Variants in PPIP5K2 observed in about 807,000 individuals in gnomAD.
The protein encoded by PPIP5K2 is diphosphoinositol pentakisphosphate kinase 2.
A neutral mutation model predicts 154.6 loss-of-function variants in PPIP5K2; 105 were observed. That is an observed-to-expected ratio of 0.68 (90% CI 0.58 to 0.80). PPIP5K2 has a LOEUF of 0.80. Ranked by LOEUF, PPIP5K2 falls within the 30% of genes least tolerant of loss-of-function variation. The pLI, the probability that PPIP5K2 is intolerant of heterozygous loss-of-function variation, is 0.00. For synonymous variants in PPIP5K2, 480 were observed against 490.3 expected, an observed-to-expected ratio of 0.98 and a Z score of 0.28; for missense variants, 992 against 1,504.6, an observed-to-expected ratio of 0.66 and a Z score of 5.64.
rs566261493 is a variant in PPIP5K2 at position 103,139,060 on chromosome 5, G to A, written c.487+591G>A. Among the ~76,000 whole-genome samples the A allele has an allele frequency of 2.3e-4, 35 of 152,298 alleles. No individual in the cohort carries two copies. The South Asian group carries it at 6.0e-3, about 26-fold the overall frequency. ...GAGGGGGTTCCTGGAACCAGTCACC[G>A]CGTATGACAAGGGGCAACAGTACTT... On this transcript the variant is annotated intron_variant, in intron 5 of 30. Coordinates refer to ENST00000358359, the MANE Select transcript of PPIP5K2 (RefSeq NM_001276277.3).
At chr5:103,133,309 T>C (rs551519418) in intron 2 of PPIP5K2, 144 bp from the exon 3 acceptor site, 1 of 533,860 alleles carries the variant, frequency 1.9e-6, no homozygotes, top group East Asian at 3.5e-5. Flanking sequence ...AATGATATAA[T>C]TTTTAAAAAT....
chr5:103,168,453 A>G (rs547116410), intron 19 of PPIP5K2, among the ~76,000 whole-genome samples, 158 bp downstream of exon 19: 1 of 152,024 alleles, frequency 6.6e-6, no homozygotes, highest in South Asian at 2.1e-4. Flanking sequence ...TAAGGTTTTT[A>G]TGGTTGTATT....
At chr5:103,183,490 T>A in intron 25 of PPIP5K2, 83 bp downstream of exon 25, 2 of 1,173,998 alleles carry the variant, frequency 1.7e-6, no homozygotes, top group Non-Finnish European at 2.4e-6. Flanking sequence ...ATCTAATCCC[T>A]TGTATTTCAC....
At chr5:103,128,930 C>T (rs1554201574) in intron 1 of PPIP5K2, among the ~76,000 whole-genome samples, 1 of 152,060 alleles carries the variant, frequency 6.6e-6, no homozygotes, top group African/African-American at 2.4e-5. Flanking sequence ...TTCCATTTGT[C>T]TGTTCTTTTC....
chr5:103,129,694 A>G lies in PPIP5K2; in HGVS notation c.105A>G (p.Glu35=), dbSNP rs782661115. 4 of 1,602,708 alleles carry G rather than the reference A, an allele frequency of 2.5e-6. No individual in the cohort carries two copies. The highest frequency in any genetic ancestry group is 2.2e-5 in the South Asian group (2 of 88,996). The change falls in exon 2 of 31, where the codon GAA becomes GAG. Residue 35 remains glutamate, a synonymous_variant. Transcript: ENST00000358359. ...ATGCAGATGAAGACGATGAGGAGGA[A>G]GATGATTCTGTAAGTTGTTTGTTTT... ...FHHADEDDEE[E]DDSPPERQIV...
chr5:103,131,513 C>T (rs1430075128), intron 2 of PPIP5K2, among the ~76,000 whole-genome samples: 2 of 152,054 alleles, frequency 1.3e-5, no homozygotes, highest in Admixed American at 1.3e-4. Context: ...GCCAACTGTA[C>T]TTCTATTCCA....
chr5:103,177,357 C>T (rs1408774422), intron 21 of PPIP5K2, among the ~76,000 whole-genome samples: 1 of 151,856 alleles, frequency 6.6e-6, no homozygotes, highest in African/African-American at 2.4e-5. Flanking sequence ...CAAAATTCTC[C>T]AATGAGTATT....
At chr5:103,186,230 G>T in intron 26 of PPIP5K2, 90 bp from the exon 27 acceptor site, 3 of 1,546,708 alleles carry the variant, frequency 1.9e-6, no homozygotes, top group Non-Finnish European at 2.7e-6. Context: ...CTTATATGTG[G>T]TAAGAGCCAT....
chr5:103,138,355 A>G, intron 4 of PPIP5K2, 29 bp from the exon 5 acceptor site: 1 of 1,329,156 alleles, frequency 7.5e-7, no homozygotes, highest in Middle Eastern at 1.8e-4. Context: ...GAGCAATAAA[A>G]CAATAAGGAT....
intron 1 of PPIP5K2, 143 bp downstream of exon 1, chr5:103,120,631 A>G (rs1788498917): frequency 5.2e-6 from 2 of 382,576 alleles, no homozygotes; most frequent in South Asian, 3.6e-5. Context: ...GCTGGAGAGA[A>G]TGACAGCCTG....
At chr5:103,154,374 C>G (rs1461233792) in intron 11 of PPIP5K2, among the ~76,000 whole-genome samples, 1 of 151,976 alleles carries the variant, frequency 6.6e-6, no homozygotes, top group Non-Finnish European at 1.5e-5. Context: ...AATGTATATG[C>G]AATGACTTCA....
chr5:103,192,559 C>T (rs1350632552), intron 29 of PPIP5K2, among the ~76,000 whole-genome samples: 3 of 148,574 alleles, frequency 2.0e-5, no homozygotes, highest in African/African-American at 7.5e-5. Flanking sequence ...TTGTAGAAGA[C>T]TTGCAATGAA....
At chr5:103,197,011 C>T (rs782121018) in intron 30 of PPIP5K2, among the ~76,000 whole-genome samples, 23 of 152,066 alleles carry the variant, frequency 1.5e-4, no homozygotes, top group Middle Eastern at 6.8e-3. Flanking sequence ...CAGGAAGGAT[C>T]GACAGTACAA....
chr5:103,158,449 CAGG>C lies in PPIP5K2; in HGVS notation c.1616_1618del (p.Gly539del). On this transcript the variant is annotated splice_acceptor_variant and coding_sequence_variant, in exon 16 of 31. Coordinates refer to ENST00000358359, the MANE Select transcript of PPIP5K2 (RefSeq NM_001276277.3). LOFTEE classifies it high-confidence loss of function. ...CTGAAGTGATTTGAGGATTTATTTT[CAGG>C]AGATTATGCAGGATTTCCTGGTTGT... 1 of 1,601,022 alleles carries C rather than the reference CAGG, an allele frequency of 6.2e-7. No homozygotes were observed. Among genetic ancestry groups the C allele is most frequent in the Non-Finnish European group, 8.5e-7 (1 of 1,176,832 alleles).
Position 103,211,408 on chromosome 5 carries a change from A to T in PPIP5K2, c.*9774A>T, listed in dbSNP as rs1803799891. ...CTGGGTGAAGCCAGGAAGCTACCAT[A>T]TACATAGAAAAGTTAGTTGCCAAAT... On this transcript the variant is annotated 3_prime_UTR_variant, in exon 31 of 31. Coordinates refer to ENST00000358359, the MANE Select transcript of PPIP5K2 (RefSeq NM_001276277.3). The T allele has an allele frequency of 6.6e-6, 1 of 152,108 alleles. No homozygotes were observed. The highest frequency in any genetic ancestry group is 2.4e-5 in the African/African-American group (1 of 41,444). 9.4% of individuals were successfully genotyped at this position (152,108 alleles called of 1,614,324 possible).
At chr5:103,189,944 A>AT (rs1800966009) in intron 28 of PPIP5K2, among the ~76,000 whole-genome samples, 2 of 151,964 alleles carry the variant, frequency 1.3e-5, no homozygotes, top group Admixed American at 1.3e-4. Flanking sequence ...ATTAATTTGA[A>AT]TTTTTGGAAG....
chr5:103,200,614 T>TTTTA (rs146954556), intron 30 of PPIP5K2, among the ~76,000 whole-genome samples: 3,044 of 149,256 alleles, frequency 0.02, 78 homozygotes, highest in East Asian at 0.1. Context: ...TGGTTTTTTA[T>TTTTA]TTTATTTATT....
In PPIP5K2 at chr5:103,123,464, A is replaced by G. The variant is rs1583167664; in HGVS notation, c.-285+2976A>G. Among the ~76,000 whole-genome samples, 3 of 152,352 alleles carry G rather than the reference A, an allele frequency of 2.0e-5. No individual in the cohort carries two copies. In the East Asian group the frequency reaches 5.8e-4, roughly 29 times the overall value. ...CAGAGTTTTGAGATTAGTATTAACA[A>G]GCCCTACAGGTGATTCTGTTGCATG... On this transcript the variant is annotated intron_variant, in intron 1 of 30. Transcript: ENST00000358359.
At position 103,184,665 on chromosome 5, in the gene PPIP5K2, T is replaced by G. The variant is rs782000915; in HGVS notation, c.3097-7T>G. 2.0e-5 allele frequency: 32 copies of G among 1,606,960 alleles called. No individual in the cohort carries two copies. In the South Asian group the frequency reaches 3.4e-4, roughly 17 times the overall value. On this transcript the variant is annotated splice_polypyrimidine_tract_variant and splice_region_variant and intron_variant, in intron 25 of 30. Coordinates refer to ENST00000358359, the MANE Select transcript of PPIP5K2 (RefSeq NM_001276277.3). ...TTTACTTCATTTATTTTGGATTCCT[T>G]ATGCAGGTTGTATCTGAAAATGCTA...
Sources: gnomAD v4.1 joint callset for allele counts (sites outside exome capture counted in the v4.1 genomes callset) on GRCh38, gnomAD v4.1.1 for gene constraint, MANE v1.5 for transcripts, NCBI Gene and HGNC (gene_info 2026-07-23, HGNC 2026-07-21) for gene names.